Variants in SLC2A9 observed in about 807,000 individuals in gnomAD.
The protein encoded by SLC2A9 is solute carrier family 2 member 9, also known as solute carrier family 2, facilitated glucose transporter member 9.
SLC2A9 carries 39 observed loss-of-function variants against 50.6 expected under a neutral mutation model. The observed-to-expected ratio is 0.77, with a 90% CI of 0.60 to 1.01. The LOEUF is 1.01. Ranked by LOEUF, SLC2A9 falls within the 50% of genes least tolerant of loss-of-function variation. The pLI is 0.00. For synonymous variants in SLC2A9, 324 were observed against 276.9 expected (o/e 1.17, Z -1.69); for missense variants, 686 against 677.6 (o/e 1.01, Z -0.14).
intron 3 of SLC2A9, among the ~76,000 whole-genome samples, chr4:9,788,942 G>C (rs919153325): frequency 1.3e-5 from 2 of 152,174 alleles, no homozygotes; most frequent in Non-Finnish European, 2.9e-5. Flanking sequence ...CAAGATGTGG[G>C]CACTAGGGTG....
At chr4:10,037,323 C>T (rs1417152186) in intron 1 of SLC2A9, among the ~76,000 whole-genome samples, 1 of 152,138 alleles carries the variant, frequency 6.6e-6, no homozygotes, top group Non-Finnish European at 1.5e-5. Flanking sequence ...AAAATGGGAT[C>T]ATACGGTACG....
intron 3 of SLC2A9, among the ~76,000 whole-genome samples, chr4:9,788,716 C>T (rs569024209): frequency 6.6e-6 from 1 of 152,284 alleles, no homozygotes; most frequent in African/African-American, 2.4e-5. Context: ...CCATACTTAT[C>T]ATGATATTTA....
chr4:9,951,020 G>T (rs1398322777), intron 5 of SLC2A9, among the ~76,000 whole-genome samples: 2 of 151,858 alleles, frequency 1.3e-5, no homozygotes, highest in African/African-American at 4.8e-5. Flanking sequence ...AAATTCATAC[G>T]TCAAAGGGAT....
At position 10,019,053 on chromosome 4, in the gene SLC2A9, G is replaced by C; in HGVS notation, c.171C>G (p.Leu57=). Residue 57 remains leucine, a synonymous_variant, in exon 2 of 12, where the codon CTC becomes CTG. Transcript: ENST00000264784. ...CGAAGGCGCCCGCGAGGGAGGCCAC[G>C]AGGAGCGAGCAGGACCAGTCCTGAG... The part of the protein sequence containing the change: ...RRRKDWSCSL[L]VASLAGAFGS... 6.4e-7 allele frequency: 1 copy of C among 1,551,196 alleles called. No homozygotes were observed. Among genetic ancestry groups the C allele is most frequent in the East Asian group, 2.4e-5 (1 of 40,914 alleles).
At chr4:9,974,515 G>A in intron 5 of SLC2A9, among the ~76,000 whole-genome samples, 1 of 76,026 alleles carries the variant, frequency 1.3e-5, no homozygotes, top group African/African-American at 3.4e-5. Context: ...ATTTATAATA[G>A]CTGCCAAAAA....
chr4:9,970,989 C>T (rs28675082), intron 5 of SLC2A9, among the ~76,000 whole-genome samples: 2,770 of 152,286 alleles, frequency 0.018, 87 homozygotes, highest in African/African-American at 0.064. Flanking sequence ...CAGCCCCCGT[C>T]ATGTACCGCC....
intron 5 of SLC2A9, among the ~76,000 whole-genome samples, chr4:9,949,948 G>A (rs931222602): frequency 6.6e-6 from 1 of 152,160 alleles, no homozygotes; most frequent in Non-Finnish European, 1.5e-5. Context: ...AATGTTCATG[G>A]AGCTTCTTTG....
chr4:9,823,472 T>C (rs1045605782), downstream of SLC2A9, among the ~76,000 whole-genome samples: 1 of 151,176 alleles, frequency 6.6e-6, no homozygotes. Flanking sequence ...TTGAATATCA[T>C]ATGAACATCG....
Position 10,018,975 on chromosome 4 carries a change from C to A in SLC2A9, c.249G>T (p.Pro83=), listed in dbSNP as rs1156406149. The change falls in exon 2 of 12, where the codon CCG becomes CCT. Residue 83 remains proline, a splice_region_variant and synonymous_variant. Coordinates refer to ENST00000264784, the MANE Select transcript of SLC2A9 (RefSeq NM_020041.3). ...YNLSVVNAPT[P]YIKAFYNESW... ...CTGCCGGGCCTTGGCGCGCACTCAC[C>A]GGGGTGGGGGCATTCACCACCGACA... is the stretch of plus-strand genomic sequence containing the variant. 5 of 1,549,562 alleles carry A rather than the reference C, an allele frequency of 3.2e-6. No homozygotes were observed. The highest frequency in any genetic ancestry group is 4.4e-6 in the Non-Finnish European group (5 of 1,146,820).
Position 9,887,556 on chromosome 4 carries a change from G to C in SLC2A9, c.1291+11C>G. 1 of 1,554,864 alleles carries C rather than the reference G, an allele frequency of 6.4e-7. No homozygotes were observed. The highest frequency in any genetic ancestry group is 8.7e-7 in the Non-Finnish European group (1 of 1,149,952). On this transcript the variant is annotated intron_variant, in intron 10 of 11. Transcript: ENST00000264784. ...CCTGGGCGGGGCAGTGGGGAGGGTG[G>C]GGTGCCTTACCTGGCCCACTGCAGA...
At chr4:9,987,045 A>C (rs1039640189) in intron 3 of SLC2A9, among the ~76,000 whole-genome samples, 1 of 152,244 alleles carries the variant, frequency 6.6e-6, no homozygotes, top group African/African-American at 2.4e-5. Flanking sequence ...AATGACCCAA[A>C]GAGATAGGTA....
At chr4:9,975,156 G>T (rs190385506) in intron 5 of SLC2A9, among the ~76,000 whole-genome samples, 1 of 152,080 alleles carries the variant, frequency 6.6e-6, no homozygotes, top group Non-Finnish European at 1.5e-5. Flanking sequence ...AGAATCCTAC[G>T]AGAAAACCTA....
intron 10 of SLC2A9, among the ~76,000 whole-genome samples, chr4:9,842,602 T>C (rs1313563150): frequency 6.6e-6 from 1 of 152,208 alleles, no homozygotes; most frequent in African/African-American, 2.4e-5. Flanking sequence ...CTTCTGACCA[T>C]GTCCTTTTGA....
chr4:10,021,619 T>C (rs547096847), upstream of SLC2A9: 4 of 807,590 alleles, frequency 5.0e-6, no homozygotes, highest in East Asian at 1.1e-4. Context: ...ATTACAGCAA[T>C]GAAACAGTCC....
chr4:10,037,520 G>C lies in SLC2A9; in HGVS notation c.-41+2610C>G, dbSNP rs189989758. Reference sequence around the variant, plus strand: ...AGACTGGGGTGAAGTGACTGAGGCAGTTGTCTGGGAATCAAAATTAAAGAG... The same window carrying C: ...AGACTGGGGTGAAGTGACTGAGGCACTTGTCTGGGAATCAAAATTAAAGAG... On this transcript the variant is annotated intron_variant, in intron 1 of 12. Transcript: ENST00000309065. Among the ~76,000 whole-genome samples, 3 of 152,264 alleles carry C rather than the reference G, an allele frequency of 2.0e-5. No individual in the cohort carries two copies. The East Asian group carries it at 5.8e-4, about 29-fold the overall frequency.
intron 11 of SLC2A9, among the ~76,000 whole-genome samples, chr4:9,830,292 T>A (rs1432629295): frequency 2.0e-5 from 3 of 152,180 alleles, no homozygotes; most frequent in African/African-American, 7.2e-5. Context: ...ATGTTCTCAC[T>A]TATAAGTGGG....
intron 10 of SLC2A9, among the ~76,000 whole-genome samples, chr4:9,848,863 C>T (rs921013347): frequency 2.0e-5 from 3 of 152,110 alleles, no homozygotes; most frequent in African/African-American, 7.2e-5. Context: ...CGCTACCACG[C>T]CCGGCTAATT....
intron 3 of SLC2A9, 37 bp from the exon 4 acceptor site, chr4:9,985,830 C>A (rs769316245): frequency 3.7e-6 from 6 of 1,613,642 alleles, no homozygotes; most frequent in Non-Finnish European, 5.1e-6. Context: ...AGATGTCTAA[C>A]CATGAGGCAT....
chr4:9,805,009 G>A (rs927628291), intron 3 of SLC2A9, among the ~76,000 whole-genome samples: 4 of 152,178 alleles, frequency 2.6e-5, no homozygotes, highest in Non-Finnish European at 5.9e-5. Flanking sequence ...CAGGGGAAAT[G>A]TGGCCCCTGA....
Sources: allele counts gnomAD v4.1 joint callset (sites outside exome capture counted in the v4.1 genomes callset), GRCh38; gene constraint gnomAD v4.1.1; transcripts MANE v1.5; gene names NCBI Gene and HGNC (gene_info 2026-07-23, HGNC 2026-07-21).